ITGB5: variants seen among roughly 807,000 people sequenced by gnomAD.
The protein encoded by ITGB5 is integrin subunit beta 5.
ITGB5 carries 38 observed loss-of-function variants against 84.8 expected under a neutral mutation model. The observed-to-expected ratio is 0.45, with a 90% CI of 0.35 to 0.59. The LOEUF (loss-of-function observed/expected upper bound fraction) is 0.59. Ranked by LOEUF, ITGB5 falls within the 20% of genes least tolerant of loss-of-function variation. The pLI, the probability that ITGB5 is intolerant of heterozygous loss-of-function variation, is 0.01. For missense variants in ITGB5, 905 were observed against 1,034.5 expected, an observed-to-expected ratio of 0.87 and a Z score of 1.72; for synonymous variants, 393 against 414.4, an observed-to-expected ratio of 0.95 and a Z score of 0.63.
chr3:124,797,879 C>T (rs1296760885), intron 9 of ITGB5, among the ~76,000 whole-genome samples: 2 of 152,128 alleles, frequency 1.3e-5, no homozygotes, highest in East Asian at 3.9e-4. Context: ...GTGGGTTCTC[C>T]CTTACTCCCT....
chr3:124,843,511 C>T (rs1384324687), intron 4 of ITGB5, among the ~76,000 whole-genome samples: 2 of 152,236 alleles, frequency 1.3e-5, no homozygotes, highest in Non-Finnish European at 2.9e-5. Context: ...TGAGCAGATA[C>T]ATTTTTACTG....
At position 124,861,495 on chromosome 3, in the gene ITGB5, T is replaced by TATATATATACAC. The variant is rs750712591; in HGVS notation, c.157-2050_157-2049insGTGTATATATAT. Among the ~76,000 whole-genome samples, 557 of 111,952 alleles carry TATATATATACAC rather than the reference T, an allele frequency of 5.0e-3. 8 individuals carry two copies. The highest frequency in any genetic ancestry group is 0.029 in the Admixed American group (277 of 9,512). The allele number at this position is 111,952 out of a possible 152,430, so 73.4% of individuals were successfully genotyped here. A position where few individuals can be genotyped will look rare whatever the true frequency, so the allele number is the denominator to read the frequency against. Reference sequence around the variant, plus strand: ...ACAAAACAAAACATATATATATATATACACACACACACACACACACACACA... The same window carrying TATATATATACAC: ...ACAAAACAAAACATATATATATATATATATATATACACACACACACACACACACACACACACA... On this transcript the variant is annotated intron_variant, in intron 2 of 14. Coordinates refer to ENST00000296181, the MANE Select transcript of ITGB5 (RefSeq NM_002213.5).
chr3:124,837,547 A>G (rs2064951989), intron 5 of ITGB5, among the ~76,000 whole-genome samples: 1 of 152,228 alleles, frequency 6.6e-6, no homozygotes, highest in South Asian at 2.1e-4. Context: ...GGGGATAAAT[A>G]AAGCAACTCA....
intron 9 of ITGB5, among the ~76,000 whole-genome samples, chr3:124,798,421 G>T (rs992480280): frequency 7.9e-5 from 12 of 151,626 alleles, no homozygotes; most frequent in African/African-American, 2.2e-4. Flanking sequence ...CAATGTTTTT[G>T]TTGTTGTTGT....
intron 1 of ITGB5, among the ~76,000 whole-genome samples, chr3:124,900,361 A>G (rs1482038760): frequency 6.6e-6 from 1 of 152,202 alleles, no homozygotes; most frequent in African/African-American, 2.4e-5. Context: ...TGTGAGGCAC[A>G]AGAATTGTGC....
Position 124,841,543 on chromosome 3 carries a change from A to G in ITGB5, c.620T>C (p.Leu207Ser), listed in dbSNP as rs1225947831. ...AAAGGAGGGGACGCAATTTGGAAAC[A>G]ACTTGTAACTAGAGAGGAAGAAGAG... ...YQTNPCIGYK[L>S]FPNCVPSFGF... The change falls in exon 5 of 15, where the codon TTG becomes TCG. Residue 207 changes from leucine to serine, a missense_variant. Coordinates refer to ENST00000296181, the MANE Select transcript of ITGB5 (RefSeq NM_002213.5). The G allele has an allele frequency of 1.2e-6, 2 of 1,613,466 alleles. No homozygotes were observed. Among genetic ancestry groups the G allele is most frequent in the Admixed American group, 1.7e-5 (1 of 59,846 alleles).
chr3:124,801,355 C>T (rs548439676), intron 9 of ITGB5, among the ~76,000 whole-genome samples: 6 of 152,152 alleles, frequency 3.9e-5, no homozygotes, highest in Non-Finnish European at 8.8e-5. Flanking sequence ...GGATTTGGGG[C>T]TTTCAAGGTT....
chr3:124,851,712 G>A (rs915058753), intron 3 of ITGB5, among the ~76,000 whole-genome samples: 2 of 152,064 alleles, frequency 1.3e-5, no homozygotes, highest in African/African-American at 2.4e-5. Context: ...TCCAGAAAGA[G>A]AGGGATGTAA....
At chr3:124,801,250 C>A (rs1385571729) in intron 9 of ITGB5, among the ~76,000 whole-genome samples, 1 of 152,188 alleles carries the variant, frequency 6.6e-6, no homozygotes, top group Non-Finnish European at 1.5e-5. Context: ...TTGTTGAAGC[C>A]AGTTCCTGAG....
At chr3:124,802,710 G>C (rs545853372) in intron 9 of ITGB5, among the ~76,000 whole-genome samples, 4 of 152,212 alleles carry the variant, frequency 2.6e-5, no homozygotes, top group Non-Finnish European at 5.9e-5. Context: ...TTCTGCCCCC[G>C]ATGGCCTCCA....
intron 13 of ITGB5, 126 bp downstream of exon 13, chr3:124,766,100 C>T: frequency 2.2e-6 from 2 of 912,712 alleles, no homozygotes; most frequent in East Asian, 2.6e-5. Flanking sequence ...TTGTATCCCT[C>T]CTCTCCCTGC....
chr3:124,840,659 TTTC>T (rs1004900559), intron 5 of ITGB5, among the ~76,000 whole-genome samples: 6 of 124,780 alleles, frequency 4.8e-5, no homozygotes, highest in Non-Finnish European at 6.9e-5. Context: ...ATTCTTTTTC[TTTC>T]TTTTTTTTTT....
intron 2 of ITGB5, 90 bp downstream of exon 2, chr3:124,873,356 G>T: frequency 1.1e-6 from 1 of 874,482 alleles, no homozygotes; most frequent in Non-Finnish European, 2.0e-6. Context: ...TTTATGTATA[G>T]TGAATTAGTG....
At chr3:124,815,433 GAC>G (rs2064574196) in intron 8 of ITGB5, among the ~76,000 whole-genome samples, 1 of 152,198 alleles carries the variant, frequency 6.6e-6, no homozygotes, top group Non-Finnish European at 1.5e-5. Flanking sequence ...CTTAAAGAGG[GAC>G]CTCACCCCAC....
At chr3:124,810,326 G>T (rs2064478240) in intron 8 of ITGB5, among the ~76,000 whole-genome samples, 1 of 152,212 alleles carries the variant, frequency 6.6e-6, no homozygotes, top group South Asian at 2.1e-4. Flanking sequence ...GAGGGATTGC[G>T]ATGGAAGAGG....
chr3:124,825,518 G>T (rs1203823337), intron 5 of ITGB5, among the ~76,000 whole-genome samples: 1 of 152,068 alleles, frequency 6.6e-6, no homozygotes, highest in Admixed American at 6.6e-5. Context: ...GCAATAAAAA[G>T]GAACAAACTA....
chr3:124,830,712 G>T (rs951203218), intron 5 of ITGB5, among the ~76,000 whole-genome samples: 1 of 152,162 alleles, frequency 6.6e-6, no homozygotes, highest in Non-Finnish European at 1.5e-5. Context: ...GGCCGGGCAC[G>T]GTGGCTCATG....
intron 10 of ITGB5, among the ~76,000 whole-genome samples, chr3:124,784,617 G>C (rs1343967903): frequency 6.6e-6 from 1 of 152,238 alleles, no homozygotes; most frequent in Non-Finnish European, 1.5e-5. Context: ...CACCTTTCCA[G>C]TTTCAAAGAA....
intron 1 of ITGB5, among the ~76,000 whole-genome samples, chr3:124,897,917 T>G (rs921067841): frequency 6.6e-6 from 1 of 152,214 alleles, no homozygotes; most frequent in African/African-American, 2.4e-5. Flanking sequence ...TGTTGGGTGC[T>G]GTTATGTGAC....
Sources: gnomAD v4.1 joint callset for allele counts (sites outside exome capture counted in the v4.1 genomes callset) on GRCh38, gnomAD v4.1.1 for gene constraint, MANE v1.5 for transcripts, NCBI Gene and HGNC (gene_info 2026-07-23, HGNC 2026-07-21) for gene names.